Variants in EPB41L2 observed in about 807,000 individuals in gnomAD.
EPB41L2 encodes band 4.1-like protein 2.
In EPB41L2, 43 loss-of-function variants were observed where a neutral mutation model predicts 113.0. The ratio of observed to expected loss-of-function variants is 0.38; its 90% CI spans 0.30 to 0.49. EPB41L2 has a LOEUF of 0.49. Ranked by LOEUF, EPB41L2 falls within the 20% of genes least tolerant of loss-of-function variation. EPB41L2 has a pLI of 0.95. For missense variants in EPB41L2, 1,147 were observed against 1,223.4 expected (o/e 0.94, Z 0.93); for synonymous variants, 442 against 436.7 (o/e 1.01, Z -0.15).
chr6:130,892,403 CTTT>C (rs60350565), intron 10 of EPB41L2, among the ~76,000 whole-genome samples: 168 of 92,622 alleles, frequency 1.8e-3, no homozygotes, highest in African/African-American at 5.5e-3. Flanking sequence ...CAGATTATTG[CTTT>C]TTTTTTTTTT....
At chr6:131,023,001 G>C (rs1789867155) in intron 1 of EPB41L2, among the ~76,000 whole-genome samples, 2 of 152,048 alleles carry the variant, frequency 1.3e-5, no homozygotes, top group Admixed American at 6.6e-5. Flanking sequence ...CTACAATATT[G>C]CTTGGCATCA....
In EPB41L2 at chr6:130,974,524, T is replaced by A. The variant is rs550667067; in HGVS notation, c.-14-18025A>T. On this transcript the variant is annotated intron_variant, in intron 1 of 19. Coordinates refer to ENST00000337057, the MANE Select transcript of EPB41L2 (RefSeq NM_001431.4). ...GGGAGAATTCAGAGAGAATGAGTTTTGTGGCACTATGATTTTGAAAGAGAA... is the reference window on the plus strand; with the variant it reads ...GGGAGAATTCAGAGAGAATGAGTTTAGTGGCACTATGATTTTGAAAGAGAA... Among the ~76,000 whole-genome samples the A allele has an allele frequency of 7.9e-5, 12 of 152,190 alleles. 1 individual carries two copies. The South Asian group carries it at 1.5e-3, about 18-fold the overall frequency.
chr6:130,946,709 T>C (rs1406709498), intron 3 of EPB41L2, among the ~76,000 whole-genome samples: 1 of 152,068 alleles, frequency 6.6e-6, no homozygotes, highest in African/African-American at 2.4e-5. Context: ...TAACAACATG[T>C]TAATATAGAT....
chr6:130,960,210 C>T (rs1301845233), intron 1 of EPB41L2, among the ~76,000 whole-genome samples: 3 of 152,174 alleles, frequency 2.0e-5, no homozygotes, highest in African/African-American at 7.2e-5. Flanking sequence ...CTCCATTATG[C>T]ACGAATGACC....
chr6:130,967,371 C>T (rs1775534601), intron 1 of EPB41L2, among the ~76,000 whole-genome samples: 1 of 152,132 alleles, frequency 6.6e-6, no homozygotes, highest in Non-Finnish European at 1.5e-5. Flanking sequence ...ATTACAGTTC[C>T]TGAGAAAACG....
At chr6:130,951,234 G>A (rs1416339711) in intron 3 of EPB41L2, among the ~76,000 whole-genome samples, 11 of 124,602 alleles carry the variant, frequency 8.8e-5, no homozygotes, top group African/African-American at 3.4e-4. Flanking sequence ...TCCAGCTTGG[G>A]TGACAGAGCA....
intron 4 of EPB41L2, among the ~76,000 whole-genome samples, chr6:130,910,851 G>A (rs1436051235): frequency 6.6e-6 from 1 of 152,158 alleles, no homozygotes; most frequent in Non-Finnish European, 1.5e-5. Flanking sequence ...TTAGAATGGC[G>A]ATCGTTAAAA....
chr6:130,926,552 TA>T (rs1804805551), intron 4 of EPB41L2, 52 bp downstream of exon 4: 3 of 1,327,022 alleles, frequency 2.3e-6, no homozygotes, highest in Non-Finnish European at 3.2e-6. Flanking sequence ...AACTGGTTAA[TA>T]AAAAAATACA....
intron 4 of EPB41L2, among the ~76,000 whole-genome samples, chr6:130,910,300 T>C (rs1420789707): frequency 6.6e-6 from 1 of 152,176 alleles, no homozygotes; most frequent in East Asian, 1.9e-4. Flanking sequence ...ATTTAATAAA[T>C]GATGTTGGGA....
intron 19 of EPB41L2, among the ~76,000 whole-genome samples, chr6:130,855,184 A>T (rs1779843398): frequency 6.6e-6 from 1 of 151,022 alleles, no homozygotes; most frequent in South Asian, 2.1e-4. Flanking sequence ...CCCTGTCTCT[A>T]CTAAAAAATA....
chr6:130,953,991 GACAAC>G (rs1816270231), intron 3 of EPB41L2, among the ~76,000 whole-genome samples: 1 of 7,922 alleles, frequency 1.3e-4, no homozygotes, highest in Non-Finnish European at 1.9e-4. Context: ...CAAAAACTAA[GACAAC>G]TAAGACAAGG....
intron 1 of EPB41L2, among the ~76,000 whole-genome samples, chr6:130,964,177 A>T (rs997960078): frequency 6.6e-6 from 1 of 152,114 alleles, no homozygotes; most frequent in African/African-American, 2.4e-5. Flanking sequence ...GCATGCCACC[A>T]TGCCCGGCTA....
At chr6:131,007,465 G>A (rs1486828767) in intron 1 of EPB41L2, among the ~76,000 whole-genome samples, 2 of 152,166 alleles carry the variant, frequency 1.3e-5, no homozygotes, top group South Asian at 2.1e-4. Context: ...AATTGGTACC[G>A]GGAGTGGGGT....
At chr6:131,054,211 T>C (rs1371868383) in intron 1 of EPB41L2, among the ~76,000 whole-genome samples, 2 of 152,202 alleles carry the variant, frequency 1.3e-5, no homozygotes, top group Non-Finnish European at 2.9e-5. Context: ...ACACAGTTTG[T>C]TCATCTCCTT....
At chr6:130,906,315 A>C (rs1797707351) in intron 5 of EPB41L2, among the ~76,000 whole-genome samples, 1 of 147,954 alleles carries the variant, frequency 6.8e-6, no homozygotes, top group Non-Finnish European at 1.5e-5. Flanking sequence ...AATAATGCTA[A>C]GCTTTTTTAA....
intron 19 of EPB41L2, among the ~76,000 whole-genome samples, chr6:130,842,245 C>G (rs1775741406): frequency 6.6e-6 from 1 of 152,010 alleles, no homozygotes. Context: ...TGTTGTCTGC[C>G]TTAGGTTATT....
intron 5 of EPB41L2, among the ~76,000 whole-genome samples, chr6:130,907,418 G>T (rs1798055724): frequency 1.3e-5 from 2 of 151,784 alleles, no homozygotes; most frequent in African/African-American, 4.9e-5. Context: ...GAAACACCAA[G>T]AAAATAAATG....
intron 19 of EPB41L2, among the ~76,000 whole-genome samples, chr6:130,852,557 T>C (rs556577159): frequency 6.6e-5 from 10 of 152,304 alleles, no homozygotes; most frequent in Non-Finnish European, 7.4e-5. Flanking sequence ...ATCAACTCCC[T>C]GCCCAAGCCA....
chr6:130,917,935 G>A (rs561124119), intron 4 of EPB41L2, among the ~76,000 whole-genome samples: 17 of 152,162 alleles, frequency 1.1e-4, no homozygotes, highest in Non-Finnish European at 2.2e-4. Flanking sequence ...AATTCACAGT[G>A]TATGACTAAA....
Sources: gnomAD v4.1 joint callset for allele counts (sites outside exome capture counted in the v4.1 genomes callset) on GRCh38, gnomAD v4.1.1 for gene constraint, MANE v1.5 for transcripts, NCBI Gene and HGNC (gene_info 2026-07-23, HGNC 2026-07-21) for gene names.